NCK2: variants seen among roughly 807,000 people sequenced by gnomAD.
The protein encoded by NCK2 is cytoplasmic protein NCK2.
In NCK2, 16 loss-of-function variants were observed where a neutral mutation model predicts 33.9. That is an observed-to-expected ratio of 0.47 (90% CI 0.32 to 0.72). The LOEUF is 0.72. Among genes scored for constraint, NCK2 ranks in the 30% least tolerant of loss-of-function variants. The pLI is 0.03. For missense variants in NCK2, 418 were observed against 537.3 expected (o/e 0.78, Z 2.19); for synonymous variants, 273 against 239.9 (o/e 1.14, Z -1.27).
At chr2:105,762,088 A>G (rs1689781864) in intron 1 of NCK2, among the ~76,000 whole-genome samples, 1 of 152,202 alleles carries the variant, frequency 6.6e-6, no homozygotes, top group Non-Finnish European at 1.5e-5. Context: ...ACCTGAAAAC[A>G]AGGACTTTCG....
At chr2:105,879,189 T>C (rs1269806461) in intron 3 of NCK2, among the ~76,000 whole-genome samples, 1 of 152,160 alleles carries the variant, frequency 6.6e-6, no homozygotes, top group East Asian at 1.9e-4. Context: ...TTTGCAAAGG[T>C]CTATTAAAAG....
At chr2:105,872,700 G>A (rs1678065253) in intron 3 of NCK2, among the ~76,000 whole-genome samples, 1 of 152,206 alleles carries the variant, frequency 6.6e-6, no homozygotes, top group African/African-American at 2.4e-5. Context: ...GCATTTGTAG[G>A]TATTCTAGTG....
At chr2:105,853,136 G>A (rs929105842) in intron 2 of NCK2, among the ~76,000 whole-genome samples, 2 of 152,124 alleles carry the variant, frequency 1.3e-5, no homozygotes, top group African/African-American at 4.8e-5. Context: ...CAGGGAGGAA[G>A]GGGATTTTAG....
At chr2:105,806,213 A>C (rs1429088267) in intron 1 of NCK2, among the ~76,000 whole-genome samples, 1 of 142,480 alleles carries the variant, frequency 7.0e-6, no homozygotes, top group African/African-American at 2.5e-5. Flanking sequence ...GTATGTGTAC[A>C]TATCACACAT....
intron 1 of NCK2, among the ~76,000 whole-genome samples, chr2:105,758,407 G>GTTTTTTTTTTTTTTTTTTTTTTT (rs1254729110): frequency 8.2e-6 from 1 of 122,128 alleles, no homozygotes; most frequent in African/African-American, 2.9e-5. Context: ...TGTTTTTGTT[G>GTTTTTTTTTTTTTTTTTTTTTTT]TTTTTGTTTT....
At position 105,893,355 on chromosome 2, in the gene NCK2, C is replaced by G. The variant is rs1205352823; in HGVS notation, c.*179C>G. 2 of 584,934 alleles carry G rather than the reference C, an allele frequency of 3.4e-6. No individual in the cohort carries two copies. The highest frequency in any genetic ancestry group is 2.8e-5 in the East Asian group (1 of 35,352). The allele number at this position is 584,934 out of a possible 1,614,324, so 36.2% of individuals were successfully genotyped here. A position where few individuals can be genotyped will look rare whatever the true frequency, so the allele number is the denominator to read the frequency against. On this transcript the variant is annotated 3_prime_UTR_variant, in exon 5 of 5. Transcript: ENST00000233154. ...GCCATCCAGGCCTCACACCCACACTCGAGCCCACCCGGCCGGCCAGCTTTA... is the reference window on the plus strand; with the variant it reads ...GCCATCCAGGCCTCACACCCACACTGGAGCCCACCCGGCCGGCCAGCTTTA...
intron 3 of NCK2, among the ~76,000 whole-genome samples, chr2:105,875,436 C>A (rs1678194731): frequency 6.6e-6 from 1 of 152,192 alleles, no homozygotes; most frequent in South Asian, 2.1e-4. Context: ...AGCCTGAGAA[C>A]AACTGGCCAA....
chr2:105,774,082 C>T (rs1690225225), intron 1 of NCK2, among the ~76,000 whole-genome samples: 1 of 150,958 alleles, frequency 6.6e-6, no homozygotes, highest in Non-Finnish European at 1.5e-5. Flanking sequence ...AATCTTGGCT[C>T]ACTGCAACCT....
At chr2:105,760,481 T>G in intron 1 of NCK2, among the ~76,000 whole-genome samples, 1 of 151,842 alleles carries the variant, frequency 6.6e-6, no homozygotes, top group Admixed American at 6.6e-5. Context: ...CGGCCAGGAG[T>G]CAGGCCCTCA....
chr2:105,800,970 G>C (rs1277380956), intron 1 of NCK2, among the ~76,000 whole-genome samples: 1 of 152,170 alleles, frequency 6.6e-6, no homozygotes, highest in Non-Finnish European at 1.5e-5. Flanking sequence ...AGAAGTGTCA[G>C]AAGATTGGAG....
At chr2:105,775,746 C>T (rs1690277713) in intron 1 of NCK2, among the ~76,000 whole-genome samples, 1 of 152,068 alleles carries the variant, frequency 6.6e-6, no homozygotes. Flanking sequence ...TCACTGGGAG[C>T]ACCACACCTC....
intron 1 of NCK2, among the ~76,000 whole-genome samples, chr2:105,787,009 T>C (rs534224227): frequency 6.6e-6 from 1 of 152,334 alleles, no homozygotes; most frequent in South Asian, 2.1e-4. Flanking sequence ...TGGCTCTCAA[T>C]GGGGTGAGCA....
chr2:105,851,616 A>G (rs546209969), intron 2 of NCK2: 1 of 152,564 alleles, frequency 6.6e-6, no homozygotes, highest in East Asian at 1.9e-4. Context: ...GGAGTTTCAG[A>G]AGCGGAAGCG....
At chr2:105,857,675 G>A (rs1022509164) in intron 3 of NCK2, among the ~76,000 whole-genome samples, 3 of 152,252 alleles carry the variant, frequency 2.0e-5, no homozygotes, top group African/African-American at 7.2e-5. Context: ...GAGTATAGCA[G>A]TTGATCTTCA....
At chr2:105,843,961 A>G (rs1387077186) in intron 2 of NCK2, among the ~76,000 whole-genome samples, 3 of 152,208 alleles carry the variant, frequency 2.0e-5, no homozygotes, top group East Asian at 3.9e-4. Context: ...CAGGTGATCA[A>G]GGTCAACATC....
chr2:105,765,299 C>G (rs148247719), intron 1 of NCK2, among the ~76,000 whole-genome samples: 4 of 152,246 alleles, frequency 2.6e-5, no homozygotes, highest in Middle Eastern at 3.4e-3. Flanking sequence ...AACAAATTGA[C>G]GAGAATTTGT....
chr2:105,835,245 T>C (rs1054677738), intron 2 of NCK2, among the ~76,000 whole-genome samples: 1 of 151,262 alleles, frequency 6.6e-6, no homozygotes, highest in Non-Finnish European at 1.5e-5. Context: ...TAAGCATTCC[T>C]CATAGGGCCA....
At chr2:105,749,601 G>GT (rs1334938884) in intron 1 of NCK2, among the ~76,000 whole-genome samples, 6 of 152,096 alleles carry the variant, frequency 3.9e-5, no homozygotes, top group Non-Finnish European at 8.8e-5. Context: ...GGGTAGAGTT[G>GT]TTTTTTTGTG....
intron 2 of NCK2, among the ~76,000 whole-genome samples, chr2:105,830,289 T>G (rs1676119231): frequency 6.6e-6 from 1 of 152,218 alleles, no homozygotes; most frequent in Admixed American, 6.5e-5. Flanking sequence ...CATCAGCTTT[T>G]GTAGCTCCCA....
Sources: allele counts gnomAD v4.1 joint callset (sites outside exome capture counted in the v4.1 genomes callset), GRCh38; gene constraint gnomAD v4.1.1; transcripts MANE v1.5; gene names NCBI Gene and HGNC (gene_info 2026-07-23, HGNC 2026-07-21).